Variants in MED27 observed in about 807,000 individuals in gnomAD.
The protein encoded by MED27 is mediator of RNA polymerase II transcription subunit 27.
MED27 carries 30 observed loss-of-function variants against 38.2 expected under a neutral mutation model. That is an observed-to-expected ratio of 0.79 (90% confidence interval 0.59 to 1.07). The LOEUF (loss-of-function observed/expected upper bound fraction) is 1.07. MED27 is among the 50% of genes least tolerant of loss of function. The pLI, the probability that MED27 is intolerant of heterozygous loss-of-function variation, is 0.00. For missense variants in MED27, 289 were observed against 397.5 expected, an observed-to-expected ratio of 0.73 and a Z score of 2.32; for synonymous variants, 122 against 153.5, an observed-to-expected ratio of 0.79 and a Z score of 1.52.
intron 3 of MED27, among the ~76,000 whole-genome samples, chr9:131,959,378 G>C (rs1831168601): frequency 6.6e-6 from 1 of 152,204 alleles, no homozygotes; most frequent in African/African-American, 2.4e-5. Flanking sequence ...CTCTGACCCA[G>C]AATCCAAGTA....
chr9:131,869,270 C>T (rs1184282494), intron 6 of MED27: 1 of 985,276 alleles, frequency 1.0e-6, no homozygotes, highest in African/African-American at 1.7e-5. Context: ...AGAACTTCAC[C>T]TACAGTGATC....
intron 2 of MED27, among the ~76,000 whole-genome samples, chr9:132,015,585 T>G (rs1372492088): frequency 6.6e-6 from 1 of 152,198 alleles, no homozygotes; most frequent in Non-Finnish European, 1.5e-5. Context: ...AAAGCAACTT[T>G]CCATCATTAC....
Position 132,001,976 on chromosome 9 carries a change from G to T in MED27, c.479+12361C>A, listed in dbSNP as rs1832246048. 1.3e-5 allele frequency among the ~76,000 whole-genome samples: 2 copies of T among 152,330 alleles called. 1 individual carries two copies. The highest frequency in any genetic ancestry group is 4.1e-4 in the South Asian group (2 of 4,826). ...TTCTAATGTGTAGCTAGGGCTGGGAGTCACTGTTGTTCCAAAGTCCCCCTT... is the reference window on the plus strand; with the variant it reads ...TTCTAATGTGTAGCTAGGGCTGGGATTCACTGTTGTTCCAAAGTCCCCCTT... On this transcript the variant is annotated intron_variant, in intron 3 of 7. Coordinates refer to ENST00000292035, the MANE Select transcript of MED27 (RefSeq NM_004269.4).
At chr9:131,949,476 G>GA (rs1830948346) in intron 3 of MED27, among the ~76,000 whole-genome samples, 1 of 152,194 alleles carries the variant, frequency 6.6e-6, no homozygotes, top group Non-Finnish European at 1.5e-5. Flanking sequence ...TGCCCAGGAA[G>GA]ACACTATGGC....
At chr9:131,987,574 C>G (rs1377942690) in intron 3 of MED27, among the ~76,000 whole-genome samples, 2 of 152,160 alleles carry the variant, frequency 1.3e-5, no homozygotes, top group East Asian at 3.8e-4. Context: ...TGCAAGAGAT[C>G]AAACGGTTAT....
At chr9:131,922,735 C>T (rs941846880) in intron 4 of MED27, among the ~76,000 whole-genome samples, 1 of 151,178 alleles carries the variant, frequency 6.6e-6, no homozygotes, top group Non-Finnish European at 1.5e-5. Context: ...TGTGCTGCAC[C>T]CATTAACTCG....
Position 131,996,182 on chromosome 9 carries a change from G to A in MED27, c.479+18155C>T, listed in dbSNP as rs555933435. On this transcript the variant is annotated intron_variant, in intron 3 of 7. Coordinates refer to ENST00000292035, the MANE Select transcript of MED27 (RefSeq NM_004269.4). ...CCATCTTGCCAAATTGGTTCTGCTC[G>A]TAAGAAGCAGGGGCTGCTGTTACAC... Among the ~76,000 whole-genome samples the A allele has an allele frequency of 1.1e-4, 17 of 152,328 alleles. No individual in the cohort carries two copies. In the South Asian group the frequency reaches 2.9e-3, roughly 26 times the overall value.
At chr9:132,079,381 G>A (rs189158785) in intron 1 of MED27, among the ~76,000 whole-genome samples, 47 of 152,298 alleles carry the variant, frequency 3.1e-4, no homozygotes, top group Non-Finnish European at 6.0e-4. Flanking sequence ...ATGCCTCCTT[G>A]TTAGGAATGG....
intron 3 of MED27, among the ~76,000 whole-genome samples, chr9:131,987,248 C>CT (rs1283542676): frequency 7.2e-5 from 11 of 151,978 alleles, no homozygotes; most frequent in Non-Finnish European, 1.3e-4. Context: ...GTTTTAACTT[C>CT]TTTTTTGTTT....
chr9:131,888,660 C>G (rs74605111), intron 5 of MED27, among the ~76,000 whole-genome samples: 1 of 152,058 alleles, frequency 6.6e-6, no homozygotes, highest in Non-Finnish European at 1.5e-5. Flanking sequence ...ACTTTTAGAA[C>G]CTCTATTTAG....
At chr9:131,952,564 G>A (rs1184075006) in intron 3 of MED27, among the ~76,000 whole-genome samples, 3 of 152,200 alleles carry the variant, frequency 2.0e-5, no homozygotes, top group Non-Finnish European at 4.4e-5. Flanking sequence ...GCCCCAAAAA[G>A]CTGACCCACG....
chr9:132,007,527 C>A (rs1292604654), intron 3 of MED27, among the ~76,000 whole-genome samples: 1 of 152,080 alleles, frequency 6.6e-6, no homozygotes, highest in African/African-American at 2.4e-5. Flanking sequence ...GATATCAGAA[C>A]AGTAGTTGCC....
intron 3 of MED27, among the ~76,000 whole-genome samples, chr9:132,012,482 A>G (rs1832505896): frequency 6.6e-6 from 1 of 152,162 alleles, no homozygotes; most frequent in Admixed American, 6.5e-5. Context: ...TCCTGGAAGC[A>G]AGTGTGAACT....
chr9:132,079,393 A>G (rs951062677), intron 1 of MED27, among the ~76,000 whole-genome samples: 17 of 152,304 alleles, frequency 1.1e-4, no homozygotes, highest in African/African-American at 4.1e-4. Flanking sequence ...TAGGAATGGA[A>G]CCGCCACAGA....
chr9:131,897,899 T>C (rs1390600078), intron 4 of MED27, among the ~76,000 whole-genome samples: 2 of 152,222 alleles, frequency 1.3e-5, no homozygotes, highest in African/African-American at 4.8e-5. Flanking sequence ...CTGGTTGACA[T>C]GTCTCATAAG....
intron 3 of MED27, among the ~76,000 whole-genome samples, chr9:131,950,180 C>T (rs1830964674): frequency 6.6e-6 from 1 of 152,176 alleles, no homozygotes. Flanking sequence ...TAATAAAACA[C>T]CTGTGTTGAG....
rs200070674 is a variant in MED27 at position 132,028,509 on chromosome 9, TAA to T, written c.349-14044_349-14043del. ...GCCATGGCTGAATGAACAAATAAAT[TAA>T]AAAAAAAAAAAATCCAAAGAGGTCT... is the stretch of plus-strand genomic sequence containing the variant. On this transcript the variant is annotated intron_variant, in intron 2 of 7. Transcript: ENST00000292035. Among the ~76,000 whole-genome samples the T allele has an allele frequency of 5.6e-3, 792 of 141,832 alleles. 14 individuals carry two copies. Among genetic ancestry groups the T allele is most frequent in the African/African-American group, 0.019 (725 of 38,032 alleles). The allele number at this position is 141,832 out of a possible 152,430, so 93.0% of individuals were successfully genotyped here. A position where few individuals can be genotyped will look rare whatever the true frequency, so the allele number is the denominator to read the frequency against.
At chr9:131,926,917 GC>G (rs1830494516) in intron 4 of MED27, among the ~76,000 whole-genome samples, 1 of 152,182 alleles carries the variant, frequency 6.6e-6, no homozygotes, top group Non-Finnish European at 1.5e-5. Flanking sequence ...CATGGTTGAA[GC>G]TTTTTTCTTT....
At chr9:132,020,195 ACT>A (rs2131085348) in intron 2 of MED27, among the ~76,000 whole-genome samples, 1 of 152,062 alleles carries the variant, frequency 6.6e-6, no homozygotes, top group South Asian at 2.1e-4. Flanking sequence ...CCACATGTAT[ACT>A]CTGTTTCTAC....
Sources: allele counts gnomAD v4.1 joint callset (sites outside exome capture counted in the v4.1 genomes callset), GRCh38; gene constraint gnomAD v4.1.1; transcripts MANE v1.5; gene names NCBI Gene and HGNC (gene_info 2026-07-23, HGNC 2026-07-21).